CPSF1: variants seen among roughly 807,000 people sequenced by gnomAD.
CPSF1 encodes cleavage and polyadenylation specific factor 1.
A neutral mutation model predicts 175.8 loss-of-function variants in CPSF1; 106 were observed. That is an observed-to-expected ratio of 0.60 (90% CI 0.52 to 0.71). The LOEUF is 0.71. Among genes scored for constraint, CPSF1 ranks in the 30% least tolerant of loss-of-function variants. The pLI, the probability that CPSF1 is intolerant of heterozygous loss-of-function variation, is 0.00. For missense variants in CPSF1, 1,734 were observed against 2,022.9 expected (o/e 0.86, Z 2.74); for synonymous variants, 1,024 against 858.3 (o/e 1.19, Z -3.37).
chr8:144,398,139 G>T lies in CPSF1; in HGVS notation c.1895-7C>A, dbSNP rs1820895812. Reference sequence around the variant, plus strand: ...ATGAAGTGCAGCTGATTCACTGTAGGCATGGGGCAGTCAGCATGCGCCTCC... The same window carrying T: ...ATGAAGTGCAGCTGATTCACTGTAGTCATGGGGCAGTCAGCATGCGCCTCC... On this transcript the variant is annotated splice_polypyrimidine_tract_variant and splice_region_variant and intron_variant, in intron 19 of 37. Transcript: ENST00000616140. 1.9e-6 allele frequency: 3 copies of T among 1,556,618 alleles called. No homozygotes were observed. Among genetic ancestry groups the T allele is most frequent in the Non-Finnish European group, 8.7e-7 (1 of 1,147,976 alleles).
Position 144,397,826 on chromosome 8 carries a change from G to A in CPSF1, c.2127C>T (p.Thr709=), listed in dbSNP as rs782458996. The A allele has an allele frequency of 4.3e-6, 7 of 1,611,254 alleles. No individual in the cohort carries two copies. The change falls in exon 21 of 38, where the codon ACC becomes ACT. Residue 709 remains threonine, a synonymous_variant. Coordinates refer to ENST00000616140, the MANE Select transcript of CPSF1 (RefSeq NM_013291.3). ...CLYRDLSGMF[T]TESRLGGARD... ...GGGCCCCACCCAGGCGGCTCTCAGT[G>A]GTGAACATGCCGCTGAGGTCTCGGT...
rs201246127 is a variant in CPSF1, at chr8:144,398,396, G to A, written c.1800C>T (p.Phe600=). The change falls in exon 19 of 38, where the codon TTC becomes TTT. Residue 600 remains phenylalanine, a synonymous_variant. Transcript: ENST00000616140. ...CAAAGACCGTGGGGCCCTGAGTGGC[G>A]AAGCCACTGGTGTCCAGCTCCATGA... The part of the protein sequence containing the change: ...QEIMELDTSG[F]ATQGPTVFAG... 134 of 1,613,542 alleles carry A rather than the reference G, an allele frequency of 8.3e-5. No homozygotes were observed. The highest frequency in any genetic ancestry group is 6.9e-4 in the East Asian group (31 of 44,860).
Position 144,401,506 on chromosome 8 carries a change from T to C in CPSF1, c.230A>G (p.Asn77Ser). The change falls in exon 4 of 38, where the codon AAC becomes AGC. Residue 77 changes from asparagine to serine, a missense_variant. Physicochemically the swap from Asn to Ser is conservative, Grantham distance 46. Around this residue, in one of 10 missense-constraint regions of CPSF1, gnomAD observed 126 missense variants for 117.9 expected, o/e 1.07. Transcript: ENST00000616140. ...CTGCACGCTGGCCATGGACATGACG[T>C]TGCCAAAGAAGGAGAAGGAGGCAGC... Reference protein sequence around the residue: ...ELAASFSFFGNVMSMASVQLA... With the variant: ...ELAASFSFFGSVMSMASVQLA... 6.2e-7 allele frequency: 1 copy of C among 1,614,014 alleles called. No individual in the cohort carries two copies. The highest frequency in any genetic ancestry group is 2.2e-5 in the East Asian group (1 of 44,868).
At chr8:144,398,919 T>A (rs2116856168) in intron 16 of CPSF1, 39 bp downstream of exon 16, 19 of 1,611,416 alleles carry the variant, frequency 1.2e-5, no homozygotes, top group Non-Finnish European at 1.5e-5. Flanking sequence ...CCCACCCAGG[T>A]CCCACCAGGA....
At chr8:144,394,088 C>T in intron 34 of CPSF1, 25 bp downstream of exon 34, 1 of 1,611,620 alleles carries the variant, frequency 6.2e-7, no homozygotes, top group Non-Finnish European at 8.5e-7. Context: ...CCGGCCCAGG[C>T]AGAGGGGGTG....
chr8:144,400,553 T>C (rs1821138210), intron 7 of CPSF1, 60 bp from the exon 8 acceptor site: 1 of 1,607,786 alleles, frequency 6.2e-7, no homozygotes, highest in African/African-American at 1.3e-5. Context: ...CAGGCCCAGC[T>C]CCTCCCGAGC....
At chr8:144,393,392 TGGGTGGGTGGGG>T in intron 37 of CPSF1, 27 bp from the exon 38 acceptor site, 1 of 489,570 alleles carries the variant, frequency 2.0e-6, no homozygotes, top group Non-Finnish European at 3.2e-6. Context: ...GGTGGGTGGG[TGGGTGGGTGGGG>T]ATGCACACGG....
chr8:144,401,757 C>T (rs1586630150), intron 2 of CPSF1, 84 bp from the exon 3 acceptor site: 3 of 1,422,244 alleles, frequency 2.1e-6, no homozygotes, highest in East Asian at 5.0e-5. Flanking sequence ...ACCACCAAGC[C>T]TGGCCCCTGC....
At chr8:144,398,486 C>T (rs199556101) in intron 18 of CPSF1, 39 bp downstream of exon 18, 2 of 1,606,260 alleles carry the variant, frequency 1.2e-6, no homozygotes, top group Admixed American at 3.4e-5. Context: ...CGCAGGGGAC[C>T]CCAGCCCCAG....
chr8:144,393,995 G>A lies in CPSF1; in HGVS notation c.3903C>T (p.Asp1301=), dbSNP rs781856385. Residue 1301 remains aspartate, a synonymous_variant, in exon 35 of 38, where the codon GAC becomes GAT. Coordinates refer to ENST00000616140, the MANE Select transcript of CPSF1 (RefSeq NM_013291.3). ...FGGMRLLRRA[D]FHVGAHVNTF... is the part of the protein sequence containing the mutation. ...TGTTCACGTGGGCACCCACGTGGAA[G>A]TCTGCCCGACGCAGCAGGCGCATGC... The A allele has an allele frequency of 6.2e-7, 1 of 1,613,366 alleles. No homozygotes were observed. The highest frequency in any genetic ancestry group is 2.2e-5 in the East Asian group (1 of 44,860).
Position 144,400,790 on chromosome 8 carries a change from G to A in CPSF1, c.567C>T (p.Tyr189=), listed in dbSNP as rs1203456971. 6.2e-7 allele frequency: 1 copy of A among 1,613,848 alleles called. No individual in the cohort carries two copies. Among genetic ancestry groups the A allele is most frequent in the Admixed American group, 1.7e-5 (1 of 60,016 alleles). Residue 189 remains tyrosine (Y), a synonymous_variant, in exon 7 of 38, where the codon TAC becomes TAT. Coordinates refer to ENST00000616140, the MANE Select transcript of CPSF1 (RefSeq NM_013291.3). ...EGQRSSFLPS[Y]IIDVRALDEK... Reference sequence around the variant, plus strand: ...CGTCTAGGGCCCGCACGTCGATGATGTAGCTGGGCAGGAAGCTGGACCTCT... The same window carrying A: ...CGTCTAGGGCCCGCACGTCGATGATATAGCTGGGCAGGAAGCTGGACCTCT...
rs1554865343 is a variant in CPSF1 at position 144,399,058 on chromosome 8, G to GAGGA, written c.1468-24_1468-21dup. On this transcript the variant is annotated intron_variant, in intron 15 of 37. Transcript: ENST00000616140. The surrounding 1 kb of genome is among the most constrained non-coding windows in gnomAD (Gnocchi z 6.4). ...CTGAAACTGCACAGGACTCGGGGGT[G>GAGGA]AGGACTATGCCCCCCACCCCCCCTC... 33 of 1,562,964 alleles carry GAGGA rather than the reference G, an allele frequency of 2.1e-5. No homozygotes were observed. The highest frequency in any genetic ancestry group is 2.9e-5 in the Non-Finnish European group (33 of 1,154,174).
Position 144,409,295 on chromosome 8 carries a change from G to T in CPSF1, c.-21C>A. ...CGCCCGCCCGGCCGCCCACCTGGCA[G>T]TTGGAGCCGACTCGAGAGGAACCGG... On this transcript the variant is annotated 5_prime_UTR_variant, in exon 1 of 38. It adds an upstream start codon to the 5' untranslated region. Coordinates refer to ENST00000616140, the MANE Select transcript of CPSF1 (RefSeq NM_013291.3). 4.0e-6 allele frequency: 3 copies of T among 745,762 alleles called. No homozygotes were observed. Among genetic ancestry groups the T allele is most frequent in the South Asian group, 6.5e-5 (1 of 15,306 alleles). The allele number at this position is 745,762 out of a possible 1,614,324, so 46.2% of individuals were successfully genotyped here. A position where few individuals can be genotyped will look rare whatever the true frequency, so the allele number is the denominator to read the frequency against.
intron 26 of CPSF1, chr8:144,395,966 G>A (rs1554863570): frequency 5.1e-6 from 2 of 391,060 alleles, no homozygotes; most frequent in Non-Finnish European, 9.4e-6. Context: ...ACCTGGTGGT[G>A]TGGTGGCTTA....
chr8:144,401,269 G>A lies in CPSF1; in HGVS notation c.329C>T (p.Pro110Leu), dbSNP rs2116883159. The stretch of plus-strand genomic sequence containing the variant: ...CAGGGTCTTCAGGTCATGGGTGCCC[G>A]GGTCGTACTCCACCACAGACAGCTG... ...DAKLSVVEYD[P>L]GTHDLKTLSL... The change falls in exon 5 of 38, where the codon CCG becomes CTG. Residue 110 changes from proline to leucine, a missense_variant. Transcript: ENST00000616140. The A allele has an allele frequency of 5.8e-6, 9 of 1,555,242 alleles. No homozygotes were observed. The highest frequency in any genetic ancestry group is 4.1e-5 in the African/African-American group (3 of 73,152).
rs189644139 is a variant in CPSF1 at position 144,407,278 on chromosome 8, C to T, written c.144+1737G>A. Among the ~76,000 whole-genome samples the T allele has an allele frequency of 7.4e-5, 11 of 149,078 alleles. No individual in the cohort carries two copies. In the East Asian group the frequency reaches 2.2e-3, roughly 29 times the overall value. On this transcript the variant is annotated intron_variant, in intron 2 of 37. Transcript: ENST00000616140. ...TTGTCCAGGCTGGAGTGTAATGGTG[C>T]AATTATAGCTCACTGCAGCCTTGAC...
chr8:144,400,135 G>GGCCCCCC (rs1821085595), intron 9 of CPSF1, 31 bp downstream of exon 9: 173 of 896,302 alleles, frequency 1.9e-4, no homozygotes, highest in Middle Eastern at 3.7e-4. Flanking sequence ...CCGTCCCCGG[G>GGCCCCCC]CCCCCCCCGC....
In CPSF1 at chr8:144,395,216, C is replaced by A. The variant is rs781837485; in HGVS notation, c.3188-34G>T. On this transcript the variant is annotated intron_variant, in intron 28 of 37. Transcript: ENST00000616140. ...ACCAAGGGTGACAGTCAGAGTAGGG[C>A]TTCCCCAAGATGCGGCTGAGGATGG... 13 of 1,612,484 alleles carry A rather than the reference C, an allele frequency of 8.1e-6. No individual in the cohort carries two copies. In the Admixed American group the frequency reaches 2.0e-4, roughly 25 times the overall value.
Position 144,401,367 on chromosome 8 carries a change from C to A in CPSF1, c.306+63G>T. 1.9e-6 allele frequency: 3 copies of A among 1,611,718 alleles called. No homozygotes were observed. In the South Asian group the frequency reaches 3.3e-5, roughly 18 times the overall value. On this transcript the variant is annotated intron_variant, in intron 4 of 37. Coordinates refer to ENST00000616140, the MANE Select transcript of CPSF1 (RefSeq NM_013291.3). ...TCGCCCCCGGCAACCAACGGCTGTA[C>A]CCAGGCCCTGGCACCCACTCCCACG...
Sources: allele counts gnomAD v4.1 joint callset (sites outside exome capture counted in the v4.1 genomes callset), GRCh38; gene constraint gnomAD v4.1.1; regional missense constraint gnomAD v4.1.1; non-coding constraint Gnocchi (gnomAD v3.1); transcripts MANE v1.5; gene names NCBI Gene and HGNC (gene_info 2026-07-23, HGNC 2026-07-21).